GANC: variants seen among roughly 807,000 people sequenced by gnomAD.
GANC encodes the protein glucosidase alpha, neutral C.
A neutral mutation model predicts 124.2 loss-of-function variants in GANC; 117 were observed. That is an observed-to-expected ratio of 0.94 (90% CI 0.81 to 1.10). The LOEUF is 1.10. GANC is among the 50% of genes least tolerant of loss of function. The pLI, the probability that GANC is intolerant of heterozygous loss-of-function variation, is 0.00. For missense variants in GANC, 1,140 were observed against 1,095.0 expected (o/e 1.04, Z -0.58); for synonymous variants, 377 against 376.8 (o/e 1.00, Z -0.01).
rs1333452255 is a variant in GANC at position 42,352,349 on chromosome 15, A to G, written c.*210A>G. ...AAGATGTACTAACAATATTCCTTGT[A>G]TCAAACATCTCCTTTTCTCCCTGAT... On this transcript the variant is annotated 3_prime_UTR_variant, in exon 24 of 24. Transcript: ENST00000318010. 7.3e-7 allele frequency: 1 copy of G among 1,362,798 alleles called. No homozygotes were observed. The highest frequency in any genetic ancestry group is 9.5e-7 in the Non-Finnish European group (1 of 1,056,074). 84.4% of individuals were successfully genotyped at this position (1,362,798 alleles called of 1,614,324 possible). A position where few individuals can be genotyped will look rare whatever the true frequency, so the allele number is the denominator to read the frequency against.
In GANC at chr15:42,329,323, C is replaced by T. The variant is rs143527501; in HGVS notation, c.1518C>T (p.Leu506=). 1 of 1,613,752 alleles carries T rather than the reference C, an allele frequency of 6.2e-7. No homozygotes were observed. Among genetic ancestry groups the T allele is most frequent in the African/African-American group, 1.3e-5 (1 of 75,024 alleles). The change falls in exon 14 of 24, where the codon CTC becomes CTT. Residue 506 remains leucine (L), a synonymous_variant. Coordinates refer to ENST00000318010, the MANE Select transcript of GANC (RefSeq NM_198141.3). Reference sequence around the variant, plus strand: ...CTTCCTAGGGATCTACGGACATCCTCTTCCTTTGGAATGACATGAATGAGC... The same window carrying T: ...CTTCCTAGGGATCTACGGACATCCTTTTCCTTTGGAATGACATGAATGAGC... ...FPVYQGSTDI[L]FLWNDMNEPS...
chr15:42,306,821 T>C (rs750261880), intron 7 of GANC, among the ~76,000 whole-genome samples: 1 of 152,194 alleles, frequency 6.6e-6, no homozygotes, highest in Non-Finnish European at 1.5e-5. Flanking sequence ...AAAAGAAATA[T>C]AGGCCACACG....
At chr15:42,329,750 AC>A (rs1230933268) in intron 14 of GANC, among the ~76,000 whole-genome samples, 2 of 152,332 alleles carry the variant, frequency 1.3e-5, no homozygotes, top group African/African-American at 2.4e-5. Context: ...ACTACCTCAA[AC>A]TTTTATTGAT....
intron 11 of GANC, 96 bp from the exon 12 acceptor site, chr15:42,326,202 G>A: frequency 1.2e-6 from 1 of 802,032 alleles, no homozygotes. Flanking sequence ...GTAGTTGTTT[G>A]TAAAAATTGA....
intron 15 of GANC, 32 bp downstream of exon 15, chr15:42,330,704 A>C: frequency 6.9e-7 from 1 of 1,449,570 alleles, no homozygotes; most frequent in Non-Finnish European, 9.5e-7. Flanking sequence ...ACTTAAAAAC[A>C]CATTAGCAAC....
chr15:42,276,775 A>T (rs2051675712), intron 2 of GANC, among the ~76,000 whole-genome samples: 1 of 151,960 alleles, frequency 6.6e-6, no homozygotes. Context: ...CGAATAACCG[A>T]ATTTCTTCAT....
At chr15:42,342,811 T>C (rs1438096659) in intron 18 of GANC, among the ~76,000 whole-genome samples, 4 of 152,222 alleles carry the variant, frequency 2.6e-5, no homozygotes, top group African/African-American at 9.7e-5. Flanking sequence ...CGATGGACTG[T>C]GTCAGAGTCC....
intron 11 of GANC, among the ~76,000 whole-genome samples, chr15:42,323,790 A>G (rs1237036675): frequency 6.6e-6 from 1 of 152,324 alleles, no homozygotes; most frequent in East Asian, 1.9e-4. Flanking sequence ...GGCGTGAGCC[A>G]TCATATCTGG....
chr15:42,280,803 TCTC>T lies in GANC; in HGVS notation c.201+2214_201+2216del, dbSNP rs1402145105. 5 of 613,234 alleles carry T rather than the reference TCTC, an allele frequency of 8.2e-6. No homozygotes were observed. The African/African-American group carries it at 9.2e-5, about 11-fold the overall frequency. 38.0% of individuals were successfully genotyped at this position (613,234 alleles called of 1,614,324 possible). Reference sequence around the variant, plus strand: ...ATCAGTGGTGAGCCGAAATGAAAATTCTCAACACAGCGTGATACCAGTTTGCGG... The same window carrying T: ...ATCAGTGGTGAGCCGAAATGAAAATTAACACAGCGTGATACCAGTTTGCGG... On this transcript the variant is annotated intron_variant, in intron 3 of 23. Coordinates refer to ENST00000318010, the MANE Select transcript of GANC (RefSeq NM_198141.3).
Position 42,343,120 on chromosome 15 carries a change from CCA to C in GANC, c.2198_2199del (p.Thr733SerfsTer2), listed in dbSNP as rs1566961748. On this transcript the variant is annotated frameshift_variant, in exon 19 of 24. Transcript: ENST00000318010. LOFTEE classifies it high-confidence loss of function. ...CATCCAGTCACAGAACCAAAAGCCA[CCA>C]CAGTTGATGTGTTTCTTCCAGGATC... is the stretch of plus-strand genomic sequence containing the variant. 7 of 1,614,124 alleles carry C rather than the reference CCA, an allele frequency of 4.3e-6. No individual in the cohort carries two copies. The South Asian group carries it at 6.6e-5, about 15-fold the overall frequency.
intron 15 of GANC, among the ~76,000 whole-genome samples, chr15:42,331,037 G>A (rs1001203929): frequency 2.0e-5 from 3 of 152,038 alleles, no homozygotes; most frequent in Non-Finnish European, 2.9e-5. Context: ...GGACTCAAGC[G>A]ATCTGCCCAC....
chr15:42,335,557 A>G (rs1022620584), intron 15 of GANC, among the ~76,000 whole-genome samples: 10 of 152,206 alleles, frequency 6.6e-5, no homozygotes, highest in Non-Finnish European at 1.0e-4. Flanking sequence ...AACTGGCACA[A>G]TACAAGGATG....
Position 42,304,082 on chromosome 15 carries a change from T to G in GANC, c.559-2464T>G, listed in dbSNP as rs138948349. Among the ~76,000 whole-genome samples the G allele has an allele frequency of 1.6e-3, 237 of 152,256 alleles. 1 individual carries two copies. The highest frequency in any genetic ancestry group is 4.7e-3 in the African/African-American group (194 of 41,558). On this transcript the variant is annotated intron_variant, in intron 6 of 23. Transcript: ENST00000318010. Reference sequence around the variant, plus strand: ...TCTCAGCACCGCATCGCACTTACTCTAAAATTGACCATGTAATTGGAAGTA... The same window carrying G: ...TCTCAGCACCGCATCGCACTTACTCGAAAATTGACCATGTAATTGGAAGTA...
chr15:42,282,378 G>C (rs529257779), intron 3 of GANC, among the ~76,000 whole-genome samples: 4 of 152,188 alleles, frequency 2.6e-5, no homozygotes, highest in Non-Finnish European at 5.9e-5. Flanking sequence ...TCTGGGATAA[G>C]ATGGGTGTTT....
At chr15:42,317,373 CAG>C (rs1321096012) in intron 10 of GANC, among the ~76,000 whole-genome samples, 17 of 152,096 alleles carry the variant, frequency 1.1e-4, no homozygotes, top group African/African-American at 3.9e-4. Flanking sequence ...TTTGTCAAGA[CAG>C]AGATGAGAGG....
intron 8 of GANC, among the ~76,000 whole-genome samples, chr15:42,309,846 G>A (rs1228793906): frequency 1.3e-5 from 2 of 151,794 alleles, no homozygotes; most frequent in Non-Finnish European, 2.9e-5. Context: ...TGGTGAAACC[G>A]CATCTCTACC....
chr15:42,322,342 C>T (rs1222702839), intron 11 of GANC, among the ~76,000 whole-genome samples: 1 of 152,184 alleles, frequency 6.6e-6, no homozygotes, highest in East Asian at 1.9e-4. Flanking sequence ...GGTGACACCA[C>T]ACTTGCACTA....
chr15:42,349,945 G>A (rs557324345), intron 22 of GANC, among the ~76,000 whole-genome samples: 2 of 146,946 alleles, frequency 1.4e-5, no homozygotes, highest in African/African-American at 5.0e-5. Context: ...CACCGTGCCC[G>A]GCGCATTTCT....
intron 2 of GANC, chr15:42,278,145 C>A: frequency 8.7e-6 from 2 of 230,320 alleles, no homozygotes; most frequent in Admixed American, 5.2e-5. Context: ...TATTTAGTTA[C>A]TATTAAAGTC....
Sources: allele counts gnomAD v4.1 joint callset (sites outside exome capture counted in the v4.1 genomes callset), GRCh38; gene constraint gnomAD v4.1.1; transcripts MANE v1.5; gene names NCBI Gene and HGNC (gene_info 2026-07-23, HGNC 2026-07-21).